SPOCK1: variants seen among roughly 807,000 people sequenced by gnomAD.
SPOCK1 encodes the protein SPARC (osteonectin), cwcv and kazal like domains proteoglycan 1, also known as testican-1.
A neutral mutation model predicts 55.3 loss-of-function variants in SPOCK1; 23 were observed. The ratio of observed to expected loss-of-function variants is 0.42; its 90% CI spans 0.30 to 0.59. The LOEUF (loss-of-function observed/expected upper bound fraction) is 0.59. Ranked by LOEUF, SPOCK1 falls within the 20% of genes least tolerant of loss-of-function variation. The probability of loss-of-function intolerance (pLI) is 0.22; values close to 1 mark genes in which losing one functional copy is unlikely to be tolerated. For synonymous variants in SPOCK1, 226 were observed against 221.0 expected, an observed-to-expected ratio of 1.02 and a Z score of -0.20; for missense variants, 499 against 552.5, an observed-to-expected ratio of 0.90 and a Z score of 0.97.
intron 5 of SPOCK1, among the ~76,000 whole-genome samples, chr5:137,092,999 A>G (rs1407552087): frequency 2.6e-5 from 4 of 152,242 alleles, no homozygotes; most frequent in Middle Eastern, 3.4e-3. Flanking sequence ...CTCTTCTTAT[A>G]AAGCCACTAG....
intron 3 of SPOCK1, among the ~76,000 whole-genome samples, chr5:137,188,528 A>G (rs1755116015): frequency 6.6e-6 from 1 of 152,224 alleles, no homozygotes. Context: ...TATGAACCAC[A>G]TGTATATGAG....
At chr5:137,342,589 G>A (rs1277755998) in intron 2 of SPOCK1, among the ~76,000 whole-genome samples, 1 of 152,200 alleles carries the variant, frequency 6.6e-6, no homozygotes. Flanking sequence ...GTGAACAATA[G>A]TGGTGTTGAA....
chr5:137,194,596 C>T (rs1024192687), intron 3 of SPOCK1, among the ~76,000 whole-genome samples: 1 of 152,110 alleles, frequency 6.6e-6, no homozygotes, highest in Non-Finnish European at 1.5e-5. Context: ...AAAGCCCTGC[C>T]CTCTAGGAGC....
intron 2 of SPOCK1, among the ~76,000 whole-genome samples, chr5:137,489,672 C>T (rs1188764452): frequency 6.6e-6 from 1 of 152,204 alleles, no homozygotes. Flanking sequence ...CATTCCCCTG[C>T]CCCCAAATGT....
intron 2 of SPOCK1, chr5:137,313,363 A>G (rs1757821008): frequency 1.0e-6 from 1 of 969,940 alleles, no homozygotes; most frequent in South Asian, 4.8e-5. Context: ...CCAGACATTG[A>G]CAGGACAAAA....
chr5:137,121,950 T>TTATATA (rs10645733), intron 4 of SPOCK1, among the ~76,000 whole-genome samples: 1 of 145,566 alleles, frequency 6.9e-6, no homozygotes, highest in African/African-American at 2.5e-5. Flanking sequence ...TTATATATGA[T>TTATATA]TATATATATA....
At chr5:136,985,563 CCA>C (rs1286241544) in intron 8 of SPOCK1, among the ~76,000 whole-genome samples, 1 of 152,086 alleles carries the variant, frequency 6.6e-6, no homozygotes, top group Non-Finnish European at 1.5e-5. Context: ...TGTTCTGAAT[CCA>C]CAGACGAACT....
At chr5:137,173,469 T>C (rs891448987) in intron 3 of SPOCK1, among the ~76,000 whole-genome samples, 1 of 152,134 alleles carries the variant, frequency 6.6e-6, no homozygotes, top group African/African-American at 2.4e-5. Flanking sequence ...GAAATAGAGA[T>C]TGAAGCTGTG....
intron 2 of SPOCK1, among the ~76,000 whole-genome samples, chr5:137,354,101 AT>A (rs1750739523): frequency 6.6e-6 from 1 of 152,040 alleles, no homozygotes; most frequent in East Asian, 1.9e-4. Context: ...TGACTCCAAC[AT>A]CTTTCCACTT....
At chr5:137,273,637 T>C (rs1436928937) in intron 2 of SPOCK1, among the ~76,000 whole-genome samples, 2 of 152,214 alleles carry the variant, frequency 1.3e-5, no homozygotes, top group East Asian at 3.9e-4. Context: ...CTGAGTGTGG[T>C]CTAGTGATCT....
rs575582508 is a variant in SPOCK1, at chr5:137,200,155, A to T, written c.233-59461T>A. Among the ~76,000 whole-genome samples the T allele has an allele frequency of 1.8e-3, 276 of 152,096 alleles. 5 individuals are homozygous for T. The highest frequency in any genetic ancestry group is 7.8e-4 in the Admixed American group (12 of 15,290). ...ATGGCCCCATGGCTTCTCTGTTTTC[A>T]TTGTCAAATATTTTCCACCCCCTCC... On this transcript the variant is annotated intron_variant, in intron 3 of 10. Coordinates refer to ENST00000394945, the MANE Select transcript of SPOCK1 (RefSeq NM_004598.4).
chr5:137,293,541 T>C (rs1757416722), intron 2 of SPOCK1, among the ~76,000 whole-genome samples: 1 of 150,228 alleles, frequency 6.7e-6, no homozygotes, highest in Non-Finnish European at 1.5e-5. Flanking sequence ...AAATTCTGAT[T>C]CAGGAAACCT....
At chr5:137,124,955 AC>A (rs1162974666) in intron 4 of SPOCK1, among the ~76,000 whole-genome samples, 1 of 152,066 alleles carries the variant, frequency 6.6e-6, no homozygotes, top group Non-Finnish European at 1.5e-5. Context: ...TTGACACATT[AC>A]CTCCAGTTTC....
intron 3 of SPOCK1, among the ~76,000 whole-genome samples, chr5:137,178,236 C>T (rs187927024): frequency 1.1e-3 from 167 of 152,276 alleles, no homozygotes; most frequent in Admixed American, 3.7e-3. Flanking sequence ...AATGTGAGTT[C>T]CATGAGTGAG....
chr5:137,208,458 A>G (rs186998907), intron 3 of SPOCK1, among the ~76,000 whole-genome samples: 1 of 152,340 alleles, frequency 6.6e-6, no homozygotes, highest in East Asian at 1.9e-4. Flanking sequence ...ACACCATTTC[A>G]TATCTGAAAT....
chr5:137,416,385 G>A (rs142196723), intron 2 of SPOCK1, among the ~76,000 whole-genome samples: 1 of 152,220 alleles, frequency 6.6e-6, no homozygotes, highest in African/African-American at 2.4e-5. Context: ...TCTGGAAATG[G>A]TAACTACATG....
chr5:137,197,702 A>T (rs1225315199), intron 3 of SPOCK1, among the ~76,000 whole-genome samples: 1 of 152,182 alleles, frequency 6.6e-6, no homozygotes, highest in Non-Finnish European at 1.5e-5. Context: ...GGAATAGGAG[A>T]TAAGAAGCCA....
intron 3 of SPOCK1, among the ~76,000 whole-genome samples, chr5:137,220,431 T>C (rs1190140566): frequency 6.6e-6 from 1 of 152,210 alleles, no homozygotes; most frequent in Non-Finnish European, 1.5e-5. Context: ...CTAAGTATTA[T>C]CACACGCAAG....
At chr5:137,377,693 GC>G (rs932900424) in intron 2 of SPOCK1, among the ~76,000 whole-genome samples, 16 of 152,196 alleles carry the variant, frequency 1.1e-4, no homozygotes, top group Admixed American at 7.8e-4. Flanking sequence ...GTGGGAGGGG[GC>G]CACTTCTTAT....
Sources: gnomAD v4.1 joint callset for allele counts (sites outside exome capture counted in the v4.1 genomes callset) on GRCh38, gnomAD v4.1.1 for gene constraint, MANE v1.5 for transcripts, NCBI Gene and HGNC (gene_info 2026-07-23, HGNC 2026-07-21) for gene names.